The following CACNA2D4 variants were observed in gnomAD, a reference collection of about 807,000 sequenced individuals.
CACNA2D4 encodes calcium voltage-gated channel auxiliary subunit alpha2delta 4.
CACNA2D4 carries 157 observed loss-of-function variants against 163.8 expected under a neutral mutation model. The observed-to-expected ratio is 0.96, with a 90% confidence interval of 0.84 to 1.09. The LOEUF is 1.09. CACNA2D4 is among the 50% of genes least tolerant of loss of function. The pLI is 0.00. For synonymous variants in CACNA2D4, 598 were observed against 586.9 expected, an observed-to-expected ratio of 1.02 and a Z score of -0.27; for missense variants, 1,410 against 1,479.9, an observed-to-expected ratio of 0.95 and a Z score of 0.78.
intron 23 of CACNA2D4, among the ~76,000 whole-genome samples, chr12:1,848,341 T>C (rs1340850079): frequency 1.3e-5 from 2 of 152,212 alleles, no homozygotes; most frequent in African/African-American, 4.8e-5. Flanking sequence ...CCTTGGCGGA[T>C]TGCCACCCTG....
chr12:1,888,854 A>G (rs946771969), intron 6 of CACNA2D4, among the ~76,000 whole-genome samples: 6 of 152,360 alleles, frequency 3.9e-5, no homozygotes, highest in East Asian at 3.9e-4. Flanking sequence ...TAAAAATCCA[A>G]TTCCACAGAT....
chr12:1,808,946 A>C (rs1454877267), intron 29 of CACNA2D4, among the ~76,000 whole-genome samples: 1 of 152,224 alleles, frequency 6.6e-6, no homozygotes, highest in Non-Finnish European at 1.5e-5. Context: ...GCAGGCGCCC[A>C]GGTGACCGTG....
intron 29 of CACNA2D4, among the ~76,000 whole-genome samples, 162 bp from the exon 30 acceptor site, chr12:1,801,806 C>T (rs1310706728): frequency 6.6e-6 from 1 of 152,132 alleles, no homozygotes; most frequent in Non-Finnish European, 1.5e-5. Flanking sequence ...ACCCTTCCAC[C>T]CACGCCCCTG....
chr12:1,878,657 A>G lies in CACNA2D4; in HGVS notation c.1645-268T>C, dbSNP rs561086346. Among the ~76,000 whole-genome samples, 3 of 152,280 alleles carry G rather than the reference A, an allele frequency of 2.0e-5. No individual in the cohort carries two copies. The South Asian group carries it at 6.2e-4, about 32-fold the overall frequency. Reference sequence around the variant, plus strand: ...ATGTTCTGGGTGCTTTGATGATGTAATCTCACTCACCCTTACAGCAGGACT... The same window carrying G: ...ATGTTCTGGGTGCTTTGATGATGTAGTCTCACTCACCCTTACAGCAGGACT... On this transcript the variant is annotated intron_variant, in intron 15 of 37. Coordinates refer to ENST00000382722, the MANE Select transcript of CACNA2D4 (RefSeq NM_172364.5). The surrounding 1 kb of genome is among the most constrained non-coding windows in gnomAD (Gnocchi z 4.6).
intron 11 of CACNA2D4, among the ~76,000 whole-genome samples, 188 bp downstream of exon 11, chr12:1,884,580 C>T (rs908092133): frequency 4.6e-5 from 7 of 152,118 alleles, no homozygotes; most frequent in African/African-American, 1.7e-4. Flanking sequence ...AAACTTCCTA[C>T]ATCAGGCCTC....
intron 14 of CACNA2D4, 79 bp downstream of exon 14, chr12:1,879,725 A>C: frequency 2.5e-6 from 3 of 1,218,752 alleles, no homozygotes; most frequent in Non-Finnish European, 2.4e-6. Flanking sequence ...CAGCCAAGTC[A>C]AGAATCACTG....
chr12:1,801,853 G>T (rs1863344912), intron 29 of CACNA2D4, among the ~76,000 whole-genome samples: 1 of 152,112 alleles, frequency 6.6e-6, no homozygotes, highest in Non-Finnish European at 1.5e-5. Flanking sequence ...CCAGCCTGGT[G>T]CTTCCTCAAC....
intron 29 of CACNA2D4, among the ~76,000 whole-genome samples, chr12:1,809,775 G>A (rs925938265): frequency 1.2e-4 from 18 of 152,208 alleles, no homozygotes; most frequent in African/African-American, 3.1e-4. Context: ...CTGACACACC[G>A]AAGGCCGGGC....
At chr12:1,870,715 C>T (rs898416330) in intron 18 of CACNA2D4, among the ~76,000 whole-genome samples, 3 of 151,784 alleles carry the variant, frequency 2.0e-5, no homozygotes, top group Admixed American at 1.3e-4. Context: ...TTTGAGATCA[C>T]CTTTTAAGGC....
Position 1,907,955 on chromosome 12 carries a change from T to A in CACNA2D4, c.569A>T (p.Glu190Val), listed in dbSNP as rs752381891. The A allele has an allele frequency of 9.9e-6, 16 of 1,613,920 alleles. No homozygotes were observed. Among genetic ancestry groups the A allele is most frequent in the Non-Finnish European group, 1.3e-5 (15 of 1,179,884 alleles). ...CAGGTTGCTGAAGTGAGCATTGGAC[T>A]CCAGGAGGAACTCGGCGCCCAGCTC... ...FVELGAEFLLESNAHFSNLPV... is the reference protein window; with the variant it reads ...FVELGAEFLLVSNAHFSNLPV... Residue 190 changes from glutamate to valine, a missense_variant, in exon 5 of 38, where the codon GAG (glutamate) becomes GTG (valine). Coordinates refer to ENST00000382722, the MANE Select transcript of CACNA2D4 (RefSeq NM_172364.5).
chr12:1,867,312 C>T (rs952056943), intron 18 of CACNA2D4, among the ~76,000 whole-genome samples: 2 of 151,362 alleles, frequency 1.3e-5, no homozygotes, highest in Non-Finnish European at 2.9e-5. Context: ...TTCTCCTTAC[C>T]TTCTAGGGCT....
At chr12:1,830,191 G>A (rs1864558583) in intron 26 of CACNA2D4, among the ~76,000 whole-genome samples, 1 of 152,206 alleles carries the variant, frequency 6.6e-6, no homozygotes. Flanking sequence ...AATGTGTCCT[G>A]GGCCCCATGA....
At chr12:1,832,829 A>G (rs1864690930) in intron 26 of CACNA2D4, among the ~76,000 whole-genome samples, 1 of 152,362 alleles carries the variant, frequency 6.6e-6, no homozygotes, top group Non-Finnish European at 1.5e-5. Context: ...GAAAACTAAA[A>G]CTCATAAGTA....
intron 26 of CACNA2D4, among the ~76,000 whole-genome samples, chr12:1,812,914 C>T (rs1863758008): frequency 6.6e-6 from 1 of 152,198 alleles, no homozygotes; most frequent in African/African-American, 2.4e-5. Context: ...CACAGTCATT[C>T]TCACTTCTCG....
At chr12:1,876,500 G>A (rs909867758) in intron 16 of CACNA2D4, among the ~76,000 whole-genome samples, 1 of 152,194 alleles carries the variant, frequency 6.6e-6, no homozygotes, top group African/African-American at 2.4e-5. Context: ...TTATCATTGA[G>A]GTAAATTAAG....
Position 1,874,813 on chromosome 12 carries a change from G to C in CACNA2D4, c.1807-138C>G. On this transcript the variant is annotated intron_variant, in intron 17 of 37. Coordinates refer to ENST00000382722, the MANE Select transcript of CACNA2D4 (RefSeq NM_172364.5). The surrounding 1 kb of genome is among the most constrained non-coding windows in gnomAD (Gnocchi z 4.4). ...CTTTTTCCTCTGAGAGAGATACCAG[G>C]AGGGAAGATGGACCTGACTCTAAGC... The C allele has an allele frequency of 1.4e-6, 1 of 695,694 alleles. No homozygotes were observed. Among genetic ancestry groups the C allele is most frequent in the East Asian group, 2.7e-5 (1 of 37,052 alleles). The allele number at this position is 695,694 out of a possible 1,614,324, so 43.1% of individuals were successfully genotyped here.
chr12:1,824,383 A>G (rs1864233193), intron 26 of CACNA2D4, among the ~76,000 whole-genome samples: 1 of 152,156 alleles, frequency 6.6e-6, no homozygotes, highest in South Asian at 2.1e-4. Flanking sequence ...TTGAGTTGCA[A>G]TGGTCTACAC....
chr12:1,827,897 C>A, intron 26 of CACNA2D4: 1 of 402,176 alleles, frequency 2.5e-6, no homozygotes, highest in Non-Finnish European at 4.4e-6. Context: ...TGCCCCGCCC[C>A]CATCCCAGGG....
chr12:1,794,314 CAG>C (rs569104453), intron 37 of CACNA2D4, among the ~76,000 whole-genome samples: 332 of 152,314 alleles, frequency 2.2e-3, no homozygotes, highest in African/African-American at 7.1e-3. Context: ...TTTAATGACA[CAG>C]GGGCTCTGCT....
Sources: gnomAD v4.1 joint callset for allele counts (sites outside exome capture counted in the v4.1 genomes callset) on GRCh38, gnomAD v4.1.1 for gene constraint, Gnocchi (gnomAD v3.1) non-coding constraint, MANE v1.5 for transcripts, NCBI Gene and HGNC (gene_info 2026-07-23, HGNC 2026-07-21) for gene names.